Variants in KRT18 observed in about 807,000 individuals in gnomAD.
KRT18 encodes the protein keratin 18.
Under a neutral mutation model 39.9 loss-of-function variants are expected in KRT18, and 8 were observed. The ratio of observed to expected loss-of-function variants is 0.20; its 90% confidence interval spans 0.12 to 0.36. The LOEUF (loss-of-function observed/expected upper bound fraction) is 0.36, where lower values mean the gene tolerates loss of function less well. Among genes scored for constraint, KRT18 ranks in the 10% least tolerant of loss-of-function variants. The pLI is 1.00. For missense variants in KRT18, 396 were observed against 565.7 expected (o/e 0.70, Z 3.04); for synonymous variants, 194 against 227.8 (o/e 0.85, Z 1.33).
upstream of KRT18, chr12:52,949,114 G>T: frequency 7.4e-7 from 1 of 1,360,288 alleles, no homozygotes; most frequent in Admixed American, 2.1e-5. Context: ...CGCGGCTCGC[G>T]CAGGCCGCCA....
Position 52,950,423 on chromosome 12 carries a change from G to T in KRT18, c.500+13G>T, listed in dbSNP as rs1341554959. 2 of 1,592,556 alleles carry T rather than the reference G, an allele frequency of 1.3e-6. No homozygotes were observed. The highest frequency in any genetic ancestry group is 2.2e-5 in the South Asian group (2 of 90,652). On this transcript the variant is annotated intron_variant, in intron 2 of 6. Coordinates refer to ENST00000388835, the MANE Select transcript of KRT18 (RefSeq NM_000224.3). The stretch of plus-strand genomic sequence containing the variant: ...ACTTTAGAGTCAAGTAAGTTTGGGG[G>T]CTAGAGAGCTGGGGGTCCAGGGGTG...
intron 3 of KRT18, 133 bp downstream of exon 3, chr12:52,951,039 A>AT (rs1942477504): frequency 2.4e-6 from 2 of 843,192 alleles, no homozygotes; most frequent in Non-Finnish European, 3.6e-6. Flanking sequence ...CTCTTCTTAA[A>AT]TAAGACCGTT....
At chr12:52,951,459 C>T (rs561055526) in intron 3 of KRT18, 22 bp from the exon 4 acceptor site, 2 of 1,613,558 alleles carry the variant, frequency 1.2e-6, no homozygotes, top group South Asian at 1.1e-5. Flanking sequence ...ACCCTCCTCA[C>T]TTTTGCCCCT....
intron 5 of KRT18, 21 bp downstream of exon 5, chr12:52,951,877 T>G: frequency 4.4e-6 from 7 of 1,604,010 alleles, no homozygotes; most frequent in Non-Finnish European, 5.9e-6. Flanking sequence ...TCACATCACC[T>G]GCCCAGCTCC....
Position 52,952,704 on chromosome 12 carries a change from C to T in KRT18, c.1173-18C>T. 1 of 1,612,258 alleles carries T rather than the reference C, an allele frequency of 6.2e-7. No homozygotes were observed. The highest frequency in any genetic ancestry group is 2.2e-5 in the East Asian group (1 of 44,878). On this transcript the variant is annotated intron_variant, in intron 6 of 6. Coordinates refer to ENST00000388835, the MANE Select transcript of KRT18 (RefSeq NM_000224.3). ...TCCACGGGGCTGTTTATAACTTGGG[C>T]TTGGTCTTCTGTTACAGTCTTGGTG...
chr12:52,951,645 G>A lies in KRT18; in HGVS notation c.822G>A (p.Gln274=). ...REELDKYWSQ[Q]IEESTTVVTT... ...AGCTAGACAAGTACTGGTCTCAGCA[G>A]GTGCGTGAGGGGAGGGGATGGCTGC... is the stretch of plus-strand genomic sequence containing the variant. The change falls in exon 4 of 7, where the codon CAG becomes CAA. Residue 274 remains glutamine, a splice_region_variant and synonymous_variant. Transcript: ENST00000388835. 1 of 1,613,682 alleles carries A rather than the reference G, an allele frequency of 6.2e-7. No homozygotes were observed. Among genetic ancestry groups the A allele is most frequent in the Non-Finnish European group, 8.5e-7 (1 of 1,180,004 alleles).
chr12:52,952,635 G>A (rs1365187424), intron 6 of KRT18, 87 bp from the exon 7 acceptor site: 6 of 1,420,202 alleles, frequency 4.2e-6, no homozygotes, highest in Middle Eastern at 4.9e-4. Flanking sequence ...TAAAGGTAGA[G>A]GTCAGGAGGC....
At chr12:52,951,427 C>T in intron 3 of KRT18, 54 bp from the exon 4 acceptor site, 1 of 1,568,214 alleles carries the variant, frequency 6.4e-7, no homozygotes, top group Non-Finnish European at 8.8e-7. Flanking sequence ...GAAGAAAGGC[C>T]TTGTTGGAGC....
At position 52,951,757 on chromosome 12, in the gene KRT18, C is replaced by T. The variant is rs1942493466; in HGVS notation, c.849C>T (p.Thr283=). 1 of 1,613,226 alleles carries T rather than the reference C, an allele frequency of 6.2e-7. No homozygotes were observed. Among genetic ancestry groups the T allele is most frequent in the African/African-American group, 1.3e-5 (1 of 74,896 alleles). Reference sequence around the variant, plus strand: ...TTGAGGAGAGCACCACAGTGGTCACCACACAGTCTGCTGAGGTTGGAGCTG... The same window carrying T: ...TTGAGGAGAGCACCACAGTGGTCACTACACAGTCTGCTGAGGTTGGAGCTG... ...QQIEESTTVV[T]TQSAEVGAAE... is the part of the protein sequence containing the mutation. The change falls in exon 5 of 7, where the codon ACC becomes ACT. Residue 283 remains threonine, a synonymous_variant. Coordinates refer to ENST00000388835, the MANE Select transcript of KRT18 (RefSeq NM_000224.3).
At chr12:52,950,652 G>C in intron 2 of KRT18, 98 bp from the exon 3 acceptor site, 1 of 1,319,256 alleles carries the variant, frequency 7.6e-7, no homozygotes, top group Non-Finnish European at 1.1e-6. Context: ...CAAGTTGCTG[G>C]TTTGCAATGG....
Position 52,949,585 on chromosome 12 carries a change from G to T in KRT18, c.412G>T (p.Ala138Ser). 1 of 1,613,002 alleles carries T rather than the reference G, an allele frequency of 6.2e-7. No individual in the cohort carries two copies. Among genetic ancestry groups the T allele is most frequent in the Non-Finnish European group, 8.5e-7 (1 of 1,179,156 alleles). The change falls in exon 1 of 7, where the codon GCT becomes TCT. Residue 138 changes from alanine (A) to serine (S), a missense_variant. Transcript: ENST00000388835. ...CTTCAAGATCATCGAGGACCTGAGG[G>T]CTCAGGTAAGGGGTAGGAGGGACCT... Reference protein sequence around the residue: ...HYFKIIEDLRAQIFANTVDNA... With the variant: ...HYFKIIEDLRSQIFANTVDNA...
chr12:52,951,725 C>T lies in KRT18; in HGVS notation c.823-6C>T. On this transcript the variant is annotated splice_polypyrimidine_tract_variant and splice_region_variant and intron_variant, in intron 4 of 6. Coordinates refer to ENST00000388835, the MANE Select transcript of KRT18 (RefSeq NM_000224.3). ...AGGGGCCTGATGGACTGTCCCCATC[C>T]TGCAGATTGAGGAGAGCACCACAGT... is the stretch of plus-strand genomic sequence containing the variant. 1.2e-6 allele frequency: 2 copies of T among 1,613,316 alleles called. No homozygotes were observed. The highest frequency in any genetic ancestry group is 1.7e-6 in the Non-Finnish European group (2 of 1,180,014).
In KRT18 at chr12:52,949,163, C is replaced by A. The variant is rs376727372; in HGVS notation, c.-11C>A. ...AGCCTGAGTCCTGTCCTTTCTCTCT[C>A]CCCGGACAGCATGAGCTTCACCACT... On this transcript the variant is annotated 5_prime_UTR_variant, in exon 1 of 7. Transcript: ENST00000388835. 3 of 1,610,480 alleles carry A rather than the reference C, an allele frequency of 1.9e-6. No individual in the cohort carries two copies. The highest frequency in any genetic ancestry group is 1.1e-5 in the South Asian group (1 of 90,944).
At chr12:52,951,072 G>C (rs1942478942) in intron 3 of KRT18, among the ~76,000 whole-genome samples, 166 bp downstream of exon 3, 1 of 152,152 alleles carries the variant, frequency 6.6e-6, no homozygotes, top group African/African-American at 2.4e-5. Context: ...ATTCTCAGGG[G>C]GTCGAGTACA....
upstream of KRT18, chr12:52,949,096 T>A: frequency 7.5e-7 from 1 of 1,325,992 alleles, no homozygotes; most frequent in Non-Finnish European, 1.1e-6. Flanking sequence ...GCGATATAAC[T>A]CGGGTCGCGC....
At chr12:52,950,251 T>G in intron 1 of KRT18, 77 bp from the exon 2 acceptor site, 2 of 1,040,828 alleles carry the variant, frequency 1.9e-6, no homozygotes, top group South Asian at 2.5e-5. Flanking sequence ...CTAGGATACA[T>G]AACACTTTTT....
At position 52,950,323 on chromosome 12, in the gene KRT18, T is replaced by C. The variant is rs1162611182; in HGVS notation, c.418-5T>C. ...TGGAACAACCTCTCTCTACAATCCCTCCAGATCTTCGCAAATACTGTGGAC... is the reference window on the plus strand; with the variant it reads ...TGGAACAACCTCTCTCTACAATCCCCCCAGATCTTCGCAAATACTGTGGAC... On this transcript the variant is annotated splice_region_variant and splice_polypyrimidine_tract_variant and intron_variant, in intron 1 of 6. Transcript: ENST00000388835. The C allele has an allele frequency of 1.3e-6, 2 of 1,590,958 alleles. No homozygotes were observed. Among genetic ancestry groups the C allele is most frequent in the Admixed American group, 3.3e-5 (2 of 59,990 alleles).
intron 5 of KRT18, 80 bp from the exon 6 acceptor site, chr12:52,952,039 A>C: frequency 7.3e-7 from 1 of 1,375,800 alleles, no homozygotes; most frequent in Non-Finnish European, 1.0e-6. Flanking sequence ...GCAGGTGCCC[A>C]AAAAAGTTTC....
At position 52,952,135 on chromosome 12, in the gene KRT18, A is replaced by G. The variant is rs1942501156; in HGVS notation, c.965A>G (p.Asn322Ser). ...CCCCTGCAGAAGGCCAGCTTGGAGAACAGCCTGAGGGAGGTGGAGGCCCGC... is the reference window on the plus strand; with the variant it reads ...CCCCTGCAGAAGGCCAGCTTGGAGAGCAGCCTGAGGGAGGTGGAGGCCCGC... ...SMRNLKASLE[N>S]SLREVEARYA... Residue 322 changes from asparagine (N) to serine (S), a missense_variant, in exon 6 of 7, where the codon AAC (asparagine) becomes AGC (serine). Transcript: ENST00000388835. 6.4e-7 allele frequency: 1 copy of G among 1,563,258 alleles called. No homozygotes were observed. The highest frequency in any genetic ancestry group is 8.7e-7 in the Non-Finnish European group (1 of 1,153,332).
Sources: allele counts gnomAD v4.1 joint callset (sites outside exome capture counted in the v4.1 genomes callset), GRCh38; gene constraint gnomAD v4.1.1; transcripts MANE v1.5; gene names NCBI Gene and HGNC (gene_info 2026-07-23, HGNC 2026-07-21).